Variants in GTPBP10 observed in about 807,000 individuals in gnomAD.
GTPBP10 encodes GTP-binding protein 10.
In GTPBP10, 38 loss-of-function variants were observed where a neutral mutation model predicts 44.8. The ratio of observed to expected loss-of-function variants is 0.85; its 90% confidence interval spans 0.65 to 1.11. GTPBP10 has a LOEUF of 1.11. GTPBP10 is among the 50% of genes most tolerant of loss of function. The pLI is 0.00. For synonymous variants in GTPBP10, 152 were observed against 150.6 expected (o/e 1.01, Z -0.07); for missense variants, 462 against 453.7 (o/e 1.02, Z -0.17).
chr7:90,359,283 T>C (rs1190336960), intron 4 of GTPBP10, among the ~76,000 whole-genome samples: 1 of 152,162 alleles, frequency 6.6e-6, no homozygotes, highest in Non-Finnish European at 1.5e-5. Flanking sequence ...CTCCTAATGC[T>C]ATCCCTCCCC....
rs965927782 is a variant in GTPBP10, at chr7:90,384,783, T to A, written c.902-109T>A. The A allele has an allele frequency of 5.7e-6, 6 of 1,045,496 alleles. No homozygotes were observed. The African/African-American group carries it at 9.6e-5, about 17-fold the overall frequency. The allele number at this position is 1,045,496 out of a possible 1,614,324, so 64.8% of individuals were successfully genotyped here. A position where few individuals can be genotyped will look rare whatever the true frequency, so the allele number is the denominator to read the frequency against. The stretch of plus-strand genomic sequence containing the variant: ...TTATTAGAAAAGGTGAAAAAAGGCA[T>A]GAAAAATGCTGGTGTTGGTTCCCTG... On this transcript the variant is annotated intron_variant, in intron 9 of 9. Transcript: ENST00000222511.
At chr7:90,378,869 A>G (rs1796390139) in intron 8 of GTPBP10, among the ~76,000 whole-genome samples, 1 of 151,890 alleles carries the variant, frequency 6.6e-6, no homozygotes, top group South Asian at 2.1e-4. Context: ...CGCCCGGCTA[A>G]TTTTTGTATT....
At chr7:90,363,582 T>G (rs530076832) in intron 4 of GTPBP10, among the ~76,000 whole-genome samples, 1 of 152,212 alleles carries the variant, frequency 6.6e-6, no homozygotes, top group Non-Finnish European at 1.5e-5. Context: ...TTCCTTCATT[T>G]CAACTTTGGT....
intron 5 of GTPBP10, 51 bp from the exon 6 acceptor site, chr7:90,374,251 C>A (rs1206735488): frequency 8.3e-7 from 1 of 1,210,396 alleles, no homozygotes; most frequent in Non-Finnish European, 1.2e-6. Context: ...TTTGAGAGTA[C>A]CAGCCCTAAA....
chr7:90,375,248 T>G (rs1026074412), intron 6 of GTPBP10, among the ~76,000 whole-genome samples: 1 of 151,872 alleles, frequency 6.6e-6, no homozygotes, highest in Non-Finnish European at 1.5e-5. Flanking sequence ...GAGAGATGAA[T>G]AAGCAGAGTA....
rs1795874118 is a variant in GTPBP10 at position 90,355,249 on chromosome 7, TTTA to T, written c.464+27_464+29del. ...TAGTAGGGTAAGTATCGTTCATATT[TTTA>T]TTATTATACTTTCAGAGAGAGAGTT... is the stretch of plus-strand genomic sequence containing the variant. On this transcript the variant is annotated intron_variant, in intron 4 of 9. Transcript: ENST00000222511. 2 of 1,430,998 alleles carry T rather than the reference TTTA, an allele frequency of 1.4e-6. No homozygotes were observed. Among genetic ancestry groups the T allele is most frequent in the Non-Finnish European group, 1.9e-6 (2 of 1,063,822 alleles). 88.6% of individuals were successfully genotyped at this position (1,430,998 alleles called of 1,614,324 possible).
At chr7:90,355,316 A>G (rs1795875566) in intron 4 of GTPBP10, 86 bp downstream of exon 4, 1 of 877,844 alleles carries the variant, frequency 1.1e-6, no homozygotes, top group African/African-American at 1.7e-5. Context: ...ATTTGGGGCC[A>G]TAATTATTTC....
At chr7:90,372,515 G>T (rs1373276934) in intron 5 of GTPBP10, among the ~76,000 whole-genome samples, 2 of 119,024 alleles carry the variant, frequency 1.7e-5, no homozygotes, top group Non-Finnish European at 3.4e-5. Flanking sequence ...CAGGGGTTTC[G>T]CCATGTTGCC....
chr7:90,367,331 G>A (rs1035903135), intron 4 of GTPBP10, among the ~76,000 whole-genome samples: 1 of 152,188 alleles, frequency 6.6e-6, no homozygotes, highest in Admixed American at 6.5e-5. Context: ...TCAAGTCCTT[G>A]ATATCCTTGT....
intron 6 of GTPBP10, among the ~76,000 whole-genome samples, chr7:90,375,081 C>T (rs910766034): frequency 6.6e-6 from 1 of 151,982 alleles, no homozygotes; most frequent in African/African-American, 2.4e-5. Context: ...TCAAAAAGAC[C>T]TAGGGGAACC....
intron 6 of GTPBP10, among the ~76,000 whole-genome samples, chr7:90,375,099 C>T (rs1234021781): frequency 6.6e-6 from 1 of 151,700 alleles, no homozygotes; most frequent in African/African-American, 2.4e-5. Flanking sequence ...ACCTTAAATG[C>T]GTAATACTAA....
At chr7:90,384,190 G>C (rs111682106) in intron 9 of GTPBP10, among the ~76,000 whole-genome samples, 2 of 152,034 alleles carry the variant, frequency 1.3e-5, no homozygotes, top group Non-Finnish European at 2.9e-5. Flanking sequence ...GACTTTCTTC[G>C]GGGCTTTTGA....
At chr7:90,378,711 GTTCT>G (rs1796387219) in intron 8 of GTPBP10, among the ~76,000 whole-genome samples, 4 of 151,810 alleles carry the variant, frequency 2.6e-5, no homozygotes, top group Admixed American at 2.6e-4. Context: ...TCTTTTCATT[GTTCT>G]TTCTTTTTTT....
chr7:90,356,388 T>TA (rs1380049219), intron 4 of GTPBP10, among the ~76,000 whole-genome samples: 6 of 152,232 alleles, frequency 3.9e-5, no homozygotes, highest in Non-Finnish European at 8.8e-5. Flanking sequence ...ATGGGCTTAA[T>TA]AGGGTCTTAT....
At chr7:90,375,581 T>C (rs1414295710) in intron 6 of GTPBP10, among the ~76,000 whole-genome samples, 3 of 152,224 alleles carry the variant, frequency 2.0e-5, no homozygotes, top group African/African-American at 4.8e-5. Flanking sequence ...GTATTAAATA[T>C]AGGATAATAT....
chr7:90,370,003 CAGAG>C lies in GTPBP10; in HGVS notation c.465-2151_465-2148del, dbSNP rs556184831. ...AGTGTTATAATGGGCATTGGAGACT[CAGAG>C]GGAGGAAGGATAGGAGGGCAGTGAG... is the stretch of plus-strand genomic sequence containing the variant. On this transcript the variant is annotated intron_variant, in intron 4 of 9. Transcript: ENST00000222511. 5.5e-3 allele frequency among the ~76,000 whole-genome samples: 833 copies of C among 152,228 alleles called. 5 individuals are homozygous for C. The highest frequency in any genetic ancestry group is 9.4e-3 in the Non-Finnish European group (637 of 68,006).
At chr7:90,370,665 A>G (rs1796240684) in intron 4 of GTPBP10, among the ~76,000 whole-genome samples, 1 of 152,174 alleles carries the variant, frequency 6.6e-6, no homozygotes. Flanking sequence ...TGTAACAACA[A>G]CAACAAAAAA....
At position 90,352,880 on chromosome 7, in the gene GTPBP10, C is replaced by G; in HGVS notation, c.98C>G (p.Pro33Arg). The G allele has an allele frequency of 6.2e-7, 1 of 1,613,480 alleles. No homozygotes were observed. Among genetic ancestry groups the G allele is most frequent in the African/African-American group, 1.3e-5 (1 of 74,826 alleles). ...GGAGGATCCGGTGGAATGGGTTATC[C>G]TCGTTTAGGTGGAGAAGGTGGAAAA... The part of the protein sequence containing the change: ...TRGGSGGMGY[P>R]RLGGEGGKGG... Residue 33 changes from proline to arginine, a missense_variant, in exon 2 of 10, where the codon CCT becomes CGT. By Grantham distance (103) the Pro-to-Arg change is moderately radical (BLOSUM62 -2). Coordinates refer to ENST00000222511, the MANE Select transcript of GTPBP10 (RefSeq NM_033107.4).
In GTPBP10 at chr7:90,389,820, G is replaced by C. The variant is rs182601431; in HGVS notation, c.*4666G>C. 2 of 152,106 alleles carry C rather than the reference G, an allele frequency of 1.3e-5. No individual in the cohort carries two copies. The highest frequency in any genetic ancestry group is 1.3e-4 in the Admixed American group (2 of 15,262). The allele number at this position is 152,106 out of a possible 1,614,324, so 9.4% of individuals were successfully genotyped here. On this transcript the variant is annotated 3_prime_UTR_variant, in exon 10 of 10. Transcript: ENST00000222511. ...TTTAGTTTTATTTATTCTTTTTAGA[G>C]ACAGGGTCTCTCTGTGGAGTGCAGT...
Sources: gnomAD v4.1 joint callset for allele counts (sites outside exome capture counted in the v4.1 genomes callset) on GRCh38, gnomAD v4.1.1 for gene constraint, MANE v1.5 for transcripts, NCBI Gene and HGNC (gene_info 2026-07-23, HGNC 2026-07-21) for gene names.